The following NCKAP5 variants were observed in gnomAD, a reference collection of about 807,000 sequenced individuals.
NCKAP5 encodes NCK associated protein 5, also known as nck-associated protein 5.
NCKAP5 carries 92 observed loss-of-function variants against 167.0 expected under a neutral mutation model. The ratio of observed to expected loss-of-function variants is 0.55; its 90% CI spans 0.47 to 0.66. The LOEUF is 0.66. NCKAP5 is among the 30% of genes least tolerant of loss of function. The pLI, the probability that NCKAP5 is intolerant of heterozygous loss-of-function variation, is 0.00. For synonymous variants in NCKAP5, 891 were observed against 877.4 expected (o/e 1.02, Z -0.27); for missense variants, 2,378 against 2,315.0 (o/e 1.03, Z -0.56).
intron 5 of NCKAP5, among the ~76,000 whole-genome samples, chr2:133,135,875 T>C (rs2082770867): frequency 6.6e-6 from 1 of 152,154 alleles, no homozygotes; most frequent in South Asian, 2.1e-4. Flanking sequence ...CTAACTAAAA[T>C]TGTACAGCTT....
intron 15 of NCKAP5, among the ~76,000 whole-genome samples, chr2:132,778,170 A>G (rs958416488): frequency 1.3e-5 from 2 of 152,040 alleles, no homozygotes; most frequent in Non-Finnish European, 2.9e-5. Flanking sequence ...CCTTTTCCCT[A>G]TTTTATAATG....
chr2:132,968,838 T>G (rs915953396), intron 7 of NCKAP5, among the ~76,000 whole-genome samples: 1 of 152,090 alleles, frequency 6.6e-6, no homozygotes, highest in Non-Finnish European at 1.5e-5. Flanking sequence ...AAGGGCATTG[T>G]GGAGGCAAGT....
chr2:133,449,182 TGTAGA>T (rs1277073794), intron 3 of NCKAP5, among the ~76,000 whole-genome samples: 3 of 152,194 alleles, frequency 2.0e-5, no homozygotes, highest in African/African-American at 4.8e-5. Context: ...TGTTGCCTAT[TGTAGA>T]GTAGTTGCTC....
chr2:132,963,286 T>A, intron 8 of NCKAP5, among the ~76,000 whole-genome samples: 1 of 152,232 alleles, frequency 6.6e-6, no homozygotes, highest in East Asian at 1.9e-4. Context: ...ACGTTTTTTT[T>A]AAAGATATGA....
chr2:133,585,345 A>T, the NCKAP5 span, among the ~76,000 whole-genome samples: 1 of 152,250 alleles, frequency 6.6e-6, no homozygotes, highest in East Asian at 1.9e-4. Flanking sequence ...ATGGGGATCC[A>T]TAGACACTAG....
chr2:133,598,012 C>A, the NCKAP5 span, among the ~76,000 whole-genome samples: 1 of 152,144 alleles, frequency 6.6e-6, no homozygotes, highest in Non-Finnish European at 1.5e-5. Flanking sequence ...AAACAGAGCT[C>A]CAGGTAGTGT....
intron 6 of NCKAP5, among the ~76,000 whole-genome samples, chr2:133,054,055 T>A (rs368051947): frequency 9.2e-5 from 14 of 152,316 alleles, no homozygotes; most frequent in South Asian, 8.3e-4. Flanking sequence ...ATGGTGTTTA[T>A]CAGTATCAAG....
intron 16 of NCKAP5, among the ~76,000 whole-genome samples, chr2:132,732,852 C>T (rs1031177045): frequency 6.6e-5 from 10 of 152,166 alleles, no homozygotes; most frequent in Non-Finnish European, 7.3e-5. Flanking sequence ...GTAATTCACA[C>T]GCCAGAAGGG....
intron 16 of NCKAP5, among the ~76,000 whole-genome samples, chr2:132,747,805 T>G: frequency 6.6e-6 from 1 of 152,226 alleles, no homozygotes; most frequent in African/African-American, 2.4e-5. Flanking sequence ...ATTTTTCCTA[T>G]GAGGAAACTG....
intron 3 of NCKAP5, among the ~76,000 whole-genome samples, chr2:133,375,932 G>A (rs1307880915): frequency 2.6e-5 from 4 of 152,184 alleles, no homozygotes; most frequent in Non-Finnish European, 5.9e-5. Flanking sequence ...TCCAATGTCT[G>A]AAAGATAAGC....
intron 4 of NCKAP5, among the ~76,000 whole-genome samples, chr2:133,297,166 AGTGT>A (rs60321858): frequency 0.058 from 8,273 of 142,056 alleles, 237 homozygotes; most frequent in African/African-American, 0.082. Flanking sequence ...AGGTTGTCAC[AGTGT>A]GTGTGTGTGT....
At chr2:133,178,901 C>T (rs2084605173) in intron 5 of NCKAP5, among the ~76,000 whole-genome samples, 1 of 150,676 alleles carries the variant, frequency 6.6e-6, no homozygotes, top group Non-Finnish European at 1.5e-5. Flanking sequence ...CATGGTAGCT[C>T]ATTCCTTTAA....
At chr2:132,963,668 G>A in intron 8 of NCKAP5, 52 bp downstream of exon 8, 5 of 1,565,462 alleles carry the variant, frequency 3.2e-6, no homozygotes, top group Non-Finnish European at 3.5e-6. Flanking sequence ...AATAAAAGAA[G>A]CAGAATACTG....
chr2:132,899,921 A>G (rs1693489522), intron 8 of NCKAP5, among the ~76,000 whole-genome samples: 1 of 152,134 alleles, frequency 6.6e-6, no homozygotes, highest in African/African-American at 2.4e-5. Flanking sequence ...AAAAAAATTA[A>G]GTGAGAGACA....
chr2:133,088,549 C>T (rs1161564386), intron 6 of NCKAP5, among the ~76,000 whole-genome samples: 1 of 152,130 alleles, frequency 6.6e-6, no homozygotes, highest in African/African-American at 2.4e-5. Flanking sequence ...GAGAATGCTG[C>T]CTTCACATTT....
intron 6 of NCKAP5, among the ~76,000 whole-genome samples, chr2:133,115,571 A>G (rs574477541): frequency 5.4e-4 from 82 of 151,932 alleles, no homozygotes; most frequent in African/African-American, 1.9e-3. Flanking sequence ...AAATCCTCAA[A>G]ACAAGGTTTA....
chr2:133,317,845 C>T (rs1007721599), intron 3 of NCKAP5, among the ~76,000 whole-genome samples: 3 of 152,178 alleles, frequency 2.0e-5, no homozygotes, highest in African/African-American at 7.2e-5. Flanking sequence ...TGGCAATCCT[C>T]ATTTCAGATC....
chr2:133,363,625 G>A (rs1264986991), intron 3 of NCKAP5, among the ~76,000 whole-genome samples: 1 of 152,180 alleles, frequency 6.6e-6, no homozygotes, highest in Non-Finnish European at 1.5e-5. Context: ...ATTGTAGTGT[G>A]TTGTACAGAG....
chr2:133,133,394 G>A (rs1574133642), intron 5 of NCKAP5, among the ~76,000 whole-genome samples: 1 of 152,090 alleles, frequency 6.6e-6, no homozygotes, highest in Non-Finnish European at 1.5e-5. Context: ...CATGTTCTTC[G>A]AGCAAGATGC....
Sources: gnomAD v4.1 joint callset for allele counts (sites outside exome capture counted in the v4.1 genomes callset) on GRCh38, gnomAD v4.1.1 for gene constraint, MANE v1.5 for transcripts, NCBI Gene and HGNC (gene_info 2026-07-23, HGNC 2026-07-21) for gene names.